PARPBP: variants seen among roughly 807,000 people sequenced by gnomAD.
PARPBP encodes PARP1 binding protein, also known as PCNA-interacting partner.
A neutral mutation model predicts 50.0 loss-of-function variants in PARPBP; 52 were observed. That is an observed-to-expected ratio of 1.04 (90% CI 0.83 to 1.31). The LOEUF (loss-of-function observed/expected upper bound fraction) is 1.31. Ranked by LOEUF, PARPBP falls within the 50% of genes most tolerant of loss-of-function variation. The pLI is 0.00. For synonymous variants in PARPBP, 244 were observed against 232.1 expected, an observed-to-expected ratio of 1.05 and a Z score of -0.47; for missense variants, 697 against 672.0, an observed-to-expected ratio of 1.04 and a Z score of -0.41.
intron 3 of PARPBP, among the ~76,000 whole-genome samples, chr12:102,149,821 A>G (rs941546336): frequency 2.0e-5 from 3 of 152,230 alleles, no homozygotes; most frequent in African/African-American, 4.8e-5. Context: ...TGGTAAGGAT[A>G]CTTGTAAAGA....
At chr12:102,149,674 G>A (rs957198898) in intron 3 of PARPBP, among the ~76,000 whole-genome samples, 1 of 152,110 alleles carries the variant, frequency 6.6e-6, no homozygotes, top group African/African-American at 2.4e-5. Context: ...AAAAACAAAA[G>A]CTCTATTACT....
chr12:102,123,974 C>A lies in PARPBP; in HGVS notation c.86C>A (p.Thr29Asn). Residue 29 changes from threonine to asparagine, a missense_variant, in exon 2 of 11, where the codon ACT becomes AAT. Transcript: ENST00000327680. The part of the protein sequence containing the change: ...NWRALCNSER[T>N]TLCGADSMLL... ...CGTGCTCTTTGTAACTCTGAGAGAA[C>A]TACTCTATGTGGTGCAGACTCCATG... The A allele has an allele frequency of 5.9e-6, 9 of 1,534,160 alleles. No individual in the cohort carries two copies. The highest frequency in any genetic ancestry group is 7.9e-6 in the Non-Finnish European group (9 of 1,145,160).
chr12:102,160,778 G>C (rs748403971), intron 4 of PARPBP, among the ~76,000 whole-genome samples: 7 of 151,846 alleles, frequency 4.6e-5, no homozygotes, highest in Non-Finnish European at 7.4e-5. Flanking sequence ...GAGAAATCCC[G>C]TCTCTACTAA....
At chr12:102,142,419 A>T (rs1209189697) in intron 2 of PARPBP, among the ~76,000 whole-genome samples, 1 of 152,236 alleles carries the variant, frequency 6.6e-6, no homozygotes, top group Non-Finnish European at 1.5e-5. Context: ...CTTCTTTGCA[A>T]TGGGTTTAAA....
In PARPBP at chr12:102,192,413, T is replaced by G. The variant is rs146636953; in HGVS notation, c.1264-2899T>G. On this transcript the variant is annotated intron_variant, in intron 9 of 10. Transcript: ENST00000327680. ...AGTTAGTAAGTAATACGGCCAGCAT[T>G]AGAAGCCAGGTCTTCTGACTGCAAA... 5.2e-3 allele frequency among the ~76,000 whole-genome samples: 796 copies of G among 152,234 alleles called. 22 individuals carry two copies. The highest frequency in any genetic ancestry group is 0.038 in the Admixed American group (577 of 15,266).
chr12:102,167,041 G>GAAGATAT (rs781259080), intron 6 of PARPBP, among the ~76,000 whole-genome samples: 138 of 152,002 alleles, frequency 9.1e-4, no homozygotes, highest in Admixed American at 1.9e-3. Flanking sequence ...TCAGTTTTTT[G>GAAGATAT]CCCTTGAAGA....
Position 102,196,131 on chromosome 12 carries a change from AAC to A in PARPBP, c.1581_1582del (p.Glu527AspfsTer5). On this transcript the variant is annotated frameshift_variant, in exon 11 of 11. Transcript: ENST00000327680. LOFTEE classifies it low-confidence loss of function (END_TRUNC). The stretch of plus-strand genomic sequence containing the variant: ...AATATTCTCTGTGATAATAGAAATG[AAC>A]CACCTCAACATAAAAATGCTAAAAT... The A allele has an allele frequency of 6.2e-7, 1 of 1,612,156 alleles. No homozygotes were observed. Among genetic ancestry groups the A allele is most frequent in the Non-Finnish European group, 8.5e-7 (1 of 1,178,704 alleles).
chr12:102,156,126 A>C (rs1023218683), intron 4 of PARPBP, among the ~76,000 whole-genome samples: 6 of 147,034 alleles, frequency 4.1e-5, no homozygotes, highest in Non-Finnish European at 7.4e-5. Flanking sequence ...AAGAACAAGG[A>C]CACCCTGATA....
chr12:102,181,066 C>T (rs1318993075), intron 8 of PARPBP, among the ~76,000 whole-genome samples: 1 of 152,176 alleles, frequency 6.6e-6, no homozygotes, highest in African/African-American at 2.4e-5. Context: ...TTTTTACCTT[C>T]TCTGACCCTC....
At chr12:102,195,544 A>G (rs1891222801) in intron 10 of PARPBP, 97 bp downstream of exon 10, 5 of 904,808 alleles carry the variant, frequency 5.5e-6, no homozygotes, top group Admixed American at 2.5e-5. Context: ...GCAAAGTACT[A>G]TGAAATGTAA....
intron 8 of PARPBP, among the ~76,000 whole-genome samples, chr12:102,181,415 A>G (rs367757524): frequency 3.4e-4 from 52 of 152,336 alleles, no homozygotes; most frequent in African/African-American, 1.0e-3. Context: ...ATTATAGAGT[A>G]TACTTACACA....
chr12:102,138,537 GTGTTT>G (rs1884036890), intron 2 of PARPBP, among the ~76,000 whole-genome samples: 1 of 149,826 alleles, frequency 6.7e-6, no homozygotes, highest in Non-Finnish European at 1.5e-5. Flanking sequence ...ATTTTGGCTG[GTGTTT>G]TAGTCATGAA....
Position 102,134,527 on chromosome 12 carries a change from A to G in PARPBP, c.153+10486A>G, listed in dbSNP as rs147315429. 2.5e-4 allele frequency among the ~76,000 whole-genome samples: 38 copies of G among 152,354 alleles called. No individual in the cohort carries two copies. In the East Asian group the frequency reaches 6.5e-3, roughly 26 times the overall value. Reference sequence around the variant, plus strand: ...TACTGCTGAATTCTACCAAACATTTAAAGAACTAATACCAATCCTTCTCAA... The same window carrying G: ...TACTGCTGAATTCTACCAAACATTTGAAGAACTAATACCAATCCTTCTCAA... On this transcript the variant is annotated intron_variant, in intron 2 of 10. Transcript: ENST00000327680.
At chr12:102,166,560 C>T (rs536443168) in intron 6 of PARPBP, among the ~76,000 whole-genome samples, 26 of 152,180 alleles carry the variant, frequency 1.7e-4, no homozygotes, top group African/African-American at 6.0e-4. Context: ...AAGTTCTTTA[C>T]TCAGATTATC....
At chr12:102,144,457 T>G (rs993172758) in intron 2 of PARPBP, among the ~76,000 whole-genome samples, 1 of 152,178 alleles carries the variant, frequency 6.6e-6, no homozygotes, top group Non-Finnish European at 1.5e-5. Flanking sequence ...TGTTACTGGT[T>G]TGAATAATAG....
Position 102,197,112 on chromosome 12 carries a change from T to C in PARPBP, c.*821T>C. The C allele has an allele frequency of 6.2e-7, 1 of 1,612,202 alleles. No individual in the cohort carries two copies. Among genetic ancestry groups the C allele is most frequent in the Non-Finnish European group, 8.5e-7 (1 of 1,178,648 alleles). ...CAGATCCTTTTAGTGCAAGATAAGGTTTTATAGCCAGATTCAGTGGCAGAC... is the reference window on the plus strand; with the variant it reads ...CAGATCCTTTTAGTGCAAGATAAGGCTTTATAGCCAGATTCAGTGGCAGAC... On this transcript the variant is annotated 3_prime_UTR_variant, in exon 11 of 11. Coordinates refer to ENST00000327680, the MANE Select transcript of PARPBP (RefSeq NM_017915.5).
intron 2 of PARPBP, among the ~76,000 whole-genome samples, chr12:102,133,632 C>T (rs895417575): frequency 4.6e-5 from 7 of 151,746 alleles, no homozygotes; most frequent in Non-Finnish European, 7.4e-5. Flanking sequence ...CTTTGGAATC[C>T]GGGTCATGGT....
Position 102,151,294 on chromosome 12 carries a change from C to A in PARPBP, c.388-2575C>A, listed in dbSNP as rs983475496. Among the ~76,000 whole-genome samples the A allele has an allele frequency of 3.9e-5, 6 of 152,140 alleles. No individual in the cohort carries two copies. The South Asian group carries it at 6.2e-4, about 16-fold the overall frequency. On this transcript the variant is annotated intron_variant, in intron 3 of 10. Transcript: ENST00000327680. ...GGTCTGGGTGGGGGTGCCGCGGGTG[C>A]TTCATGATGCTGGGCTCTCTGGGAT... is the stretch of plus-strand genomic sequence containing the variant.
rs34890863 is a variant in PARPBP, at chr12:102,135,536, CAAAA to C, written c.153+11517_153+11520del. On this transcript the variant is annotated intron_variant, in intron 2 of 10. Coordinates refer to ENST00000327680, the MANE Select transcript of PARPBP (RefSeq NM_017915.5). Reference sequence around the variant, plus strand: ...GCCTGGGAGACAGAGACTCCGTCTCCAAAAAAAAAAAAAAAAAAAAAAAAATGAC... The same window carrying C: ...GCCTGGGAGACAGAGACTCCGTCTCCAAAAAAAAAAAAAAAAAAAAATGAC... 8.9e-3 allele frequency among the ~76,000 whole-genome samples: 451 copies of C among 50,490 alleles called. 1 individual carries two copies. The highest frequency in any genetic ancestry group is 0.014 in the Non-Finnish European group (336 of 24,558). The allele number at this position is 50,490 out of a possible 152,430, so 33.1% of individuals were successfully genotyped here.
Sources: allele counts gnomAD v4.1 joint callset (sites outside exome capture counted in the v4.1 genomes callset), GRCh38; gene constraint gnomAD v4.1.1; transcripts MANE v1.5; gene names NCBI Gene and HGNC (gene_info 2026-07-23, HGNC 2026-07-21).